HHAT: variants seen among roughly 807,000 people sequenced by gnomAD.
HHAT encodes the protein hedgehog acyltransferase.
Under a neutral mutation model 70.8 loss-of-function variants are expected in HHAT, and 47 were observed. The ratio of observed to expected loss-of-function variants is 0.66; its 90% CI spans 0.53 to 0.85. HHAT has a LOEUF of 0.85. Among genes scored for constraint, HHAT ranks in the 40% least tolerant of loss-of-function variants. The pLI is 0.00. For synonymous variants in HHAT, 228 were observed against 247.6 expected, an observed-to-expected ratio of 0.92 and a Z score of 0.74; for missense variants, 609 against 604.8, an observed-to-expected ratio of 1.01 and a Z score of -0.07.
intron 7 of HHAT, among the ~76,000 whole-genome samples, chr1:210,457,363 C>A (rs1057136256): frequency 6.6e-6 from 1 of 151,956 alleles, no homozygotes; most frequent in Non-Finnish European, 1.5e-5. Context: ...CTTCTTGAAG[C>A]TACAAAGCTT....
At chr1:210,625,094 C>T (rs1161433872) in intron 11 of HHAT, among the ~76,000 whole-genome samples, 1 of 152,238 alleles carries the variant, frequency 6.6e-6, no homozygotes, top group African/African-American at 2.4e-5. Flanking sequence ...GAGTCCTGTT[C>T]TACTTTAATC....
In HHAT at chr1:210,428,259, TTA is replaced by T. The variant is rs201442500; in HGVS notation, c.856+9936_856+9937del. On this transcript the variant is annotated intron_variant, in intron 7 of 11. Transcript: ENST00000261458. Reference sequence around the variant, plus strand: ...TTCCTATAGTTCTTTATACACACATTTATGTTTTCCCCCAAATGAGCTTATAC... The same window carrying T: ...TTCCTATAGTTCTTTATACACACATTTGTTTTCCCCCAAATGAGCTTATAC... 5.7e-3 allele frequency among the ~76,000 whole-genome samples: 691 copies of T among 121,586 alleles called. 13 individuals are homozygous for T. Among genetic ancestry groups the T allele is most frequent in the African/African-American group, 0.02 (660 of 32,980 alleles). 79.8% of individuals were successfully genotyped at this position (121,586 alleles called of 152,430 possible).
chr1:210,512,919 C>T (rs12239285), intron 8 of HHAT, among the ~76,000 whole-genome samples: 9,874 of 152,032 alleles, frequency 0.065, 884 homozygotes, highest in East Asian at 0.32. Context: ...GTTTAATTGC[C>T]GGGCTCCTTC....
intron 4 of HHAT, among the ~76,000 whole-genome samples, chr1:210,398,871 T>C (rs2091927856): frequency 6.6e-6 from 1 of 152,208 alleles, no homozygotes; most frequent in South Asian, 2.1e-4. Flanking sequence ...GGTAGTAGGA[T>C]GGAAAAATAG....
At chr1:210,535,423 TTGTGTGTTTGTG>T (rs1314311046) in intron 9 of HHAT, among the ~76,000 whole-genome samples, 1 of 140,818 alleles carries the variant, frequency 7.1e-6, no homozygotes, top group Non-Finnish European at 1.6e-5. Flanking sequence ...CTGGGAAACA[TTGTGTGTTTGTG>T]TGTGTGTGTG....
intron 8 of HHAT, among the ~76,000 whole-genome samples, chr1:210,494,883 AT>A (rs1203429152): frequency 6.6e-6 from 1 of 152,118 alleles, no homozygotes; most frequent in African/African-American, 2.4e-5. Context: ...GAGTAGAGTT[AT>A]TTAAAAAGTA....
intron 4 of HHAT, among the ~76,000 whole-genome samples, chr1:210,394,766 G>A (rs961075421): frequency 6.6e-6 from 1 of 152,140 alleles, no homozygotes; most frequent in Non-Finnish European, 1.5e-5. Flanking sequence ...GCTGCAGGGA[G>A]CAGGGTTCTT....
chr1:210,652,497 C>T (rs1038278075), intron 11 of HHAT, among the ~76,000 whole-genome samples: 3 of 152,190 alleles, frequency 2.0e-5, no homozygotes, highest in Admixed American at 6.5e-5. Flanking sequence ...CGTGTGAGCA[C>T]CTGGAGACAT....
At chr1:210,552,877 GCC>G (rs1362842462) in intron 9 of HHAT, among the ~76,000 whole-genome samples, 1 of 152,176 alleles carries the variant, frequency 6.6e-6, no homozygotes, top group Non-Finnish European at 1.5e-5. Context: ...AATGATTCCT[GCC>G]CTCCTTTGAG....
At chr1:210,434,779 A>G (rs200772946) in intron 7 of HHAT, among the ~76,000 whole-genome samples, 1 of 152,004 alleles carries the variant, frequency 6.6e-6, no homozygotes, top group East Asian at 1.9e-4. Flanking sequence ...TAAAATTTAC[A>G]TGTAAATGCA....
At chr1:210,667,404 AAATAATT>A (rs1679145035) in intron 11 of HHAT, among the ~76,000 whole-genome samples, 1 of 151,962 alleles carries the variant, frequency 6.6e-6, no homozygotes, top group African/African-American at 2.4e-5. Flanking sequence ...ATAAATAAAT[AAATAATT>A]ATTTTTTCTC....
chr1:210,376,012 TA>T (rs1346641514), intron 3 of HHAT, among the ~76,000 whole-genome samples: 1 of 125,930 alleles, frequency 7.9e-6, no homozygotes, highest in African/African-American at 3.1e-5. Context: ...CATGCACAGC[TA>T]ATTTTTTTTT....
At chr1:210,558,088 T>C (rs1203494957) in intron 9 of HHAT, among the ~76,000 whole-genome samples, 2 of 152,188 alleles carry the variant, frequency 1.3e-5, no homozygotes, top group African/African-American at 4.8e-5. Context: ...CAACCTTGTA[T>C]TTGCGGATAA....
intron 8 of HHAT, among the ~76,000 whole-genome samples, chr1:210,510,423 G>A (rs1337614011): frequency 2.6e-5 from 4 of 152,320 alleles, no homozygotes; most frequent in East Asian, 1.9e-4. Context: ...CTCTGCTTAC[G>A]TGAACTTCCA....
Position 210,373,772 on chromosome 1 carries a change from A to G in HHAT, c.159+10853A>G, listed in dbSNP as rs145016419. Among the ~76,000 whole-genome samples, 347 of 152,336 alleles carry G rather than the reference A, an allele frequency of 2.3e-3. 11 individuals carry two copies. The highest frequency in any genetic ancestry group is 1.3e-3 in the Non-Finnish European group (86 of 68,032). ...ATCACCACCTTGCATTGAATTTGTT[A>G]CTAGGTAGATAGATAATAGAATGTT... On this transcript the variant is annotated intron_variant, in intron 3 of 11. Coordinates refer to ENST00000261458, the MANE Select transcript of HHAT (RefSeq NM_018194.6).
At chr1:210,353,413 G>A (rs908726812) in intron 2 of HHAT, among the ~76,000 whole-genome samples, 2 of 147,502 alleles carry the variant, frequency 1.4e-5, no homozygotes, top group South Asian at 2.2e-4. Context: ...GGAAAATCCC[G>A]GTGATAGAAG....
chr1:210,418,425 T>C, intron 7 of HHAT, 100 bp downstream of exon 7: 2 of 1,039,736 alleles, frequency 1.9e-6, no homozygotes, highest in South Asian at 3.4e-5. Flanking sequence ...TGCAGGTGCC[T>C]ATAGCAAACC....
intron 11 of HHAT, among the ~76,000 whole-genome samples, chr1:210,659,549 TC>T (rs1677189737): frequency 6.6e-6 from 1 of 151,930 alleles, no homozygotes; most frequent in African/African-American, 2.4e-5. Context: ...AAAGAGGGAA[TC>T]CCCCCTAACT....
intron 10 of HHAT, among the ~76,000 whole-genome samples, chr1:210,595,122 C>A (rs576507311): frequency 2.0e-5 from 3 of 152,104 alleles, no homozygotes; most frequent in East Asian, 1.9e-4. Context: ...CCACTCCCCC[C>A]ACCCCACAAC....
Sources: gnomAD v4.1 joint callset for allele counts (sites outside exome capture counted in the v4.1 genomes callset) on GRCh38, gnomAD v4.1.1 for gene constraint, MANE v1.5 for transcripts, NCBI Gene and HGNC (gene_info 2026-07-23, HGNC 2026-07-21) for gene names.